Variants in PGM5 observed in about 807,000 individuals in gnomAD.
The protein encoded by PGM5 is phosphoglucomutase 5.
In PGM5, 23 loss-of-function variants were observed where a neutral mutation model predicts 59.2. The ratio of observed to expected loss-of-function variants is 0.39; its 90% CI spans 0.28 to 0.55. The LOEUF (loss-of-function observed/expected upper bound fraction) is 0.55, where lower values mean the gene tolerates loss of function less well. Among genes scored for constraint, PGM5 ranks in the 20% least tolerant of loss-of-function variants. The probability of loss-of-function intolerance (pLI) is 0.66; values close to 1 mark genes in which losing one functional copy is unlikely to be tolerated. For missense variants in PGM5, 574 were observed against 748.3 expected (o/e 0.77, Z 2.72); for synonymous variants, 214 against 286.0 (o/e 0.75, Z 2.54).
intron 7 of PGM5, among the ~76,000 whole-genome samples, chr9:68,471,119 T>G (rs567437021): frequency 4.8e-4 from 73 of 151,934 alleles, no homozygotes; most frequent in Non-Finnish European, 9.0e-4. Flanking sequence ...TAAGAGGGAG[T>G]GTTGTGTGAC....
intron 1 of PGM5, among the ~76,000 whole-genome samples, chr9:68,362,454 T>G (rs1284635006): frequency 1.3e-5 from 2 of 152,226 alleles, no homozygotes; most frequent in Non-Finnish European, 2.9e-5. Flanking sequence ...ATTTAAAAAT[T>G]CCCAGAAATA....
chr9:68,383,931 C>T (rs1764877707), intron 2 of PGM5, among the ~76,000 whole-genome samples: 1 of 151,810 alleles, frequency 6.6e-6, no homozygotes, highest in Non-Finnish European at 1.5e-5. Flanking sequence ...ACTTACCCTG[C>T]TAAGCTCACA....
chr9:68,523,193 G>C (rs950786645), intron 10 of PGM5, among the ~76,000 whole-genome samples: 14 of 152,318 alleles, frequency 9.2e-5, no homozygotes, highest in African/African-American at 3.1e-4. Flanking sequence ...TGCAGCCAGG[G>C]AGTGGGATCA....
At chr9:68,452,334 A>G (rs1334496433) in intron 6 of PGM5, among the ~76,000 whole-genome samples, 1 of 152,102 alleles carries the variant, frequency 6.6e-6, no homozygotes, top group Non-Finnish European at 1.5e-5. Context: ...CTAAGCACCA[A>G]GAGCCCCTAC....
chr9:68,504,615 T>A (rs1296320824), intron 10 of PGM5, among the ~76,000 whole-genome samples: 1 of 152,238 alleles, frequency 6.6e-6, no homozygotes, highest in Non-Finnish European at 1.5e-5. Flanking sequence ...AGTAAGGGTG[T>A]CCCTGGCCAC....
rs1189048537 is a variant in PGM5, at chr9:68,437,966, A to C, written c.1044-27127A>C. Among the ~76,000 whole-genome samples the C allele has an allele frequency of 5.3e-5, 8 of 152,088 alleles. No individual in the cohort carries two copies. Among genetic ancestry groups the C allele is most frequent in the Non-Finnish European group, 5.9e-5 (4 of 68,022 alleles). ...TTACCACACATCACGTGCTTGGCTC[A>C]TGGAGACATTTACTCTCTGATTAGG... is the stretch of plus-strand genomic sequence containing the variant. On this transcript the variant is annotated intron_variant, in intron 6 of 10. Coordinates refer to ENST00000396396, the MANE Select transcript of PGM5 (RefSeq NM_021965.4). This position sits in a 1 kb window ranked among gnomAD's most constrained non-coding sequence, Gnocchi z 4.1.
chr9:68,517,337 C>G (rs539998861), intron 10 of PGM5, among the ~76,000 whole-genome samples: 1 of 152,232 alleles, frequency 6.6e-6, no homozygotes, highest in South Asian at 2.1e-4. Context: ...CCGCAGTAGT[C>G]TTCAAGGCCC....
intron 6 of PGM5, among the ~76,000 whole-genome samples, chr9:68,410,438 T>C (rs1822908074): frequency 6.6e-6 from 1 of 152,154 alleles, no homozygotes. Context: ...ATTGCAGTCT[T>C]CAAAGATGTA....
rs192697794 is a variant in PGM5 at position 68,505,971 on chromosome 9, G to A, written c.1614+6610G>A. On this transcript the variant is annotated intron_variant, in intron 10 of 10. Coordinates refer to ENST00000396396, the MANE Select transcript of PGM5 (RefSeq NM_021965.4). Reference sequence around the variant, plus strand: ...AGAGTCACCCACTAGCATAAAGTCTGCTGTGGCTGAAATAATAACAAAGAC... The same window carrying A: ...AGAGTCACCCACTAGCATAAAGTCTACTGTGGCTGAAATAATAACAAAGAC... 7.9e-5 allele frequency among the ~76,000 whole-genome samples: 12 copies of A among 152,222 alleles called. 1 individual carries two copies. In the East Asian group the frequency reaches 2.1e-3, roughly 27 times the overall value.
At chr9:68,426,140 G>A (rs186361701) in intron 6 of PGM5, among the ~76,000 whole-genome samples, 177 of 152,054 alleles carry the variant, frequency 1.2e-3, no homozygotes, top group Non-Finnish European at 2.2e-3. Flanking sequence ...TCATTCCCCA[G>A]AGGCAGAGAG....
chr9:68,499,237 T>C lies in PGM5; in HGVS notation c.1490T>C (p.Ile497Thr). The change falls in exon 10 of 11, where the codon ATC (isoleucine) becomes ACC (threonine). Residue 497 changes from isoleucine to threonine, a missense_variant. By Grantham distance (89) the Ile-to-Thr change is moderately conservative. Around this residue, in one of 7 missense-constraint regions of PGM5, gnomAD observed 300 missense variants for 280.0 expected, o/e 1.07. Coordinates refer to ENST00000396396, the MANE Select transcript of PGM5 (RefSeq NM_021965.4). ...TGTTCTTGGTCTCAGGGCCTAAGGA[T>C]CATTTTCTCGGATGCATCACGGCTC... Reference protein sequence around the residue: ...GTVTKKQGLRIIFSDASRLIF... With the variant: ...GTVTKKQGLRTIFSDASRLIF... 6.2e-7 allele frequency: 1 copy of C among 1,614,210 alleles called. No individual in the cohort carries two copies. Among genetic ancestry groups the C allele is most frequent in the Non-Finnish European group, 8.5e-7 (1 of 1,180,032 alleles).
chr9:68,476,216 A>G (rs1824101307), intron 7 of PGM5, among the ~76,000 whole-genome samples: 2 of 152,208 alleles, frequency 1.3e-5, no homozygotes, highest in Non-Finnish European at 2.9e-5. Flanking sequence ...CCCAGATGGT[A>G]TCCCATTTTA....
chr9:68,517,807 G>A lies in PGM5; in HGVS notation c.1615-11760G>A, dbSNP rs959834407. On this transcript the variant is annotated intron_variant, in intron 10 of 10. Coordinates refer to ENST00000396396, the MANE Select transcript of PGM5 (RefSeq NM_021965.4). ...CAAACTAACCTTCCCTCTGTAAAGAGCTGAAAGAAATATATTAAAGCATCT... is the reference window on the plus strand; with the variant it reads ...CAAACTAACCTTCCCTCTGTAAAGAACTGAAAGAAATATATTAAAGCATCT... 2.0e-5 allele frequency among the ~76,000 whole-genome samples: 3 copies of A among 152,212 alleles called. No individual in the cohort carries two copies. The East Asian group carries it at 5.8e-4, about 29-fold the overall frequency.
intron 6 of PGM5, among the ~76,000 whole-genome samples, chr9:68,449,678 C>T (rs1317274111): frequency 6.6e-6 from 1 of 152,168 alleles, no homozygotes; most frequent in Non-Finnish European, 1.5e-5. Flanking sequence ...CAGTGACTTA[C>T]CCAAGTCCCC....
chr9:68,494,484 A>G (rs1484766782), intron 9 of PGM5, among the ~76,000 whole-genome samples: 4 of 152,224 alleles, frequency 2.6e-5, no homozygotes, highest in African/African-American at 9.6e-5. Context: ...AGGTTATTGC[A>G]ATTAGTTACT....
chr9:68,501,637 CA>C (rs1331938133), intron 10 of PGM5, among the ~76,000 whole-genome samples: 2 of 152,174 alleles, frequency 1.3e-5, no homozygotes, highest in Non-Finnish European at 2.9e-5. Flanking sequence ...TCTCAGCTAC[CA>C]AAAGAACCCC....
chr9:68,395,674 T>C lies in PGM5; in HGVS notation c.1043+3201T>C, dbSNP rs1334550985. The C allele has an allele frequency of 4.6e-5, 7 of 152,330 alleles. No individual in the cohort carries two copies. In the South Asian group the frequency reaches 1.2e-3, roughly 27 times the overall value. The allele number at this position is 152,330 out of a possible 1,614,324, so 9.4% of individuals were successfully genotyped here. A position where few individuals can be genotyped will look rare whatever the true frequency, so the allele number is the denominator to read the frequency against. ...ATACAATTTTTGTTAAATTTATTTC[T>C]GAGTATTTTCTTTATTTTGACGCTA... On this transcript the variant is annotated intron_variant, in intron 6 of 10. Coordinates refer to ENST00000396396, the MANE Select transcript of PGM5 (RefSeq NM_021965.4).
At chr9:68,479,269 T>G in intron 7 of PGM5, 149 bp from the exon 8 acceptor site, 1 of 587,814 alleles carries the variant, frequency 1.7e-6, no homozygotes, top group Admixed American at 3.2e-5. Flanking sequence ...GAAATGCAAA[T>G]GTATTAGGAG....
chr9:68,433,309 G>A (rs1048902521), intron 6 of PGM5, among the ~76,000 whole-genome samples: 6 of 152,186 alleles, frequency 3.9e-5, no homozygotes, highest in Non-Finnish European at 7.3e-5. Context: ...GATGACCTCT[G>A]TGTTCCAATG....
Sources: allele counts gnomAD v4.1 joint callset (sites outside exome capture counted in the v4.1 genomes callset), GRCh38; gene constraint gnomAD v4.1.1; regional missense constraint gnomAD v4.1.1; non-coding constraint Gnocchi (gnomAD v3.1); transcripts MANE v1.5; gene names NCBI Gene and HGNC (gene_info 2026-07-23, HGNC 2026-07-21).